The following KAT6B variants were observed in gnomAD, a reference collection of about 807,000 sequenced individuals.
KAT6B encodes lysine acetyltransferase 6B.
In KAT6B, 10 loss-of-function variants were observed where a neutral mutation model predicts 187.5. That is an observed-to-expected ratio of 0.05 (90% confidence interval 0.03 to 0.09). KAT6B has a LOEUF of 0.09. Ranked by LOEUF, KAT6B falls within the 10% of genes least tolerant of loss-of-function variation. KAT6B has a pLI of 1.00. For synonymous variants in KAT6B, 861 were observed against 926.8 expected (o/e 0.93, Z 1.29); for missense variants, 1,952 against 2,558.9 (o/e 0.76, Z 5.12).
At chr10:74,846,620 G>A (rs984792276) in intron 3 of KAT6B, among the ~76,000 whole-genome samples, 7 of 152,056 alleles carry the variant, frequency 4.6e-5, no homozygotes, top group Non-Finnish European at 8.8e-5. Flanking sequence ...TTGTATTTTA[G>A]TAGAGACGGG....
At chr10:74,881,491 C>G (rs751011915) in intron 3 of KAT6B, among the ~76,000 whole-genome samples, 4 of 152,184 alleles carry the variant, frequency 2.6e-5, no homozygotes, top group Non-Finnish European at 5.9e-5. Context: ...TCCAAACACC[C>G]CATGCCTTCT....
chr10:74,916,353 C>G (rs1847677667), intron 3 of KAT6B, among the ~76,000 whole-genome samples: 1 of 152,032 alleles, frequency 6.6e-6, no homozygotes, highest in African/African-American at 2.4e-5. Context: ...TGACCTCATC[C>G]CATATTTGTA....
chr10:75,029,392 T>A lies in KAT6B; in HGVS notation c.4568T>A (p.Val1523Asp). ...QKQDQKNSKE[V>D]DTEFKEGNPA... ...CAGGACCAAAAGAACAGCAAGGAAGTCGATACAGAGTTCAAAGAGGGAAAC... is the reference window on the plus strand; with the variant it reads ...CAGGACCAAAAGAACAGCAAGGAAGACGATACAGAGTTCAAAGAGGGAAAC... Residue 1523 changes from valine to aspartate, a missense_variant, in exon 18 of 18, where the codon GTC becomes GAC. By Grantham distance (152) the Val-to-Asp change is radical (BLOSUM62 -3). Transcript: ENST00000287239. This position sits in a 1 kb window ranked among gnomAD's most constrained non-coding sequence, Gnocchi z 6.2. 1 of 1,613,842 alleles carries A rather than the reference T, an allele frequency of 6.2e-7. No individual in the cohort carries two copies. Among genetic ancestry groups the A allele is most frequent in the Non-Finnish European group, 8.5e-7 (1 of 1,179,948 alleles).
intron 13 of KAT6B, among the ~76,000 whole-genome samples, chr10:74,991,439 G>A (rs1843119785): frequency 1.3e-5 from 2 of 152,024 alleles, no homozygotes; most frequent in Non-Finnish European, 2.9e-5. Flanking sequence ...GAACAATCTG[G>A]GTAACAAATA....
At chr10:74,911,130 T>G (rs1482636291) in intron 3 of KAT6B, among the ~76,000 whole-genome samples, 1 of 152,246 alleles carries the variant, frequency 6.6e-6, no homozygotes, top group Non-Finnish European at 1.5e-5. Context: ...AAACACTGCT[T>G]GCATTCCTCT....
chr10:74,852,760 A>G (rs1475935461), intron 3 of KAT6B, among the ~76,000 whole-genome samples: 1 of 152,206 alleles, frequency 6.6e-6, no homozygotes. Context: ...AATGTTAAAC[A>G]TTCTTTTAAC....
intron 3 of KAT6B, among the ~76,000 whole-genome samples, chr10:74,926,589 TC>T (rs2133118689): frequency 6.6e-6 from 1 of 152,254 alleles, no homozygotes; most frequent in East Asian, 1.9e-4. Context: ...GGCCCATGCC[TC>T]TGCACATGTT....
chr10:74,827,691 C>T (rs1329855589), intron 1 of KAT6B, among the ~76,000 whole-genome samples: 1 of 151,742 alleles, frequency 6.6e-6, no homozygotes, highest in Non-Finnish European at 1.5e-5. Context: ...TGGGACAAGG[C>T]GGCAGGTGTG....
intron 3 of KAT6B, among the ~76,000 whole-genome samples, chr10:74,920,831 T>G (rs1848055103): frequency 6.6e-6 from 1 of 152,154 alleles, no homozygotes; most frequent in African/African-American, 2.4e-5. Flanking sequence ...TCCATTTTTC[T>G]TTTCTTCTCT....
At chr10:74,875,685 C>G (rs1248354776) in intron 3 of KAT6B, among the ~76,000 whole-genome samples, 1 of 152,054 alleles carries the variant, frequency 6.6e-6, no homozygotes. Flanking sequence ...AGGCTGATCT[C>G]GAACTCCTGA....
chr10:75,018,039 G>A (rs1845105165), intron 13 of KAT6B, among the ~76,000 whole-genome samples: 1 of 152,188 alleles, frequency 6.6e-6, no homozygotes, highest in Non-Finnish European at 1.5e-5. Context: ...GCCATGCAGG[G>A]GTCCCTTCGG....
Position 74,981,879 on chromosome 10 carries a change from A to T in KAT6B, c.2324A>T (p.His775Leu), listed in dbSNP as rs752359931. The T allele has an allele frequency of 9.9e-6, 16 of 1,613,402 alleles. No individual in the cohort carries two copies. Among genetic ancestry groups the T allele is most frequent in the Admixed American group, 1.7e-5 (1 of 59,990 alleles). ...CACTCCAAGAAGTGTGGATGGTTTC[A>T]TCCTCCAGCAAATGAAATTTACCGA... ...LRHSKKCGWF[H>L]PPANEIYRRK... Residue 775 changes from histidine (H) to leucine (L), a missense_variant, in exon 11 of 18, where the codon CAT becomes CTT. Physicochemically the swap from His to Leu is moderately conservative, Grantham distance 99. Around this residue, in one of 9 missense-constraint regions of KAT6B, gnomAD observed 87 missense variants for 191.8 expected, o/e 0.45. Transcript: ENST00000287239.
chr10:75,028,466 C>G (rs1418516557), intron 17 of KAT6B, 23 bp from the exon 18 acceptor site: 1 of 1,612,028 alleles, frequency 6.2e-7, no homozygotes, highest in East Asian at 2.2e-5. Context: ...TTTTTTCCTT[C>G]CCGTTTTTGT....
intron 3 of KAT6B, among the ~76,000 whole-genome samples, chr10:74,951,990 A>G (rs2133407665): frequency 6.6e-6 from 1 of 152,348 alleles, no homozygotes; most frequent in East Asian, 1.9e-4. Flanking sequence ...CTTATGGTTT[A>G]GTAAGGGAAA....
At position 74,975,730 on chromosome 10, in the gene KAT6B, A is replaced by G. The variant is rs372552134; in HGVS notation, c.1393A>G (p.Arg465Gly). ...AGACTTTTCAAAGCACTATCGTCCA[A>G]GGAAAAAGGTCTCTCAGAAACAGTC... is the stretch of plus-strand genomic sequence containing the variant. ...IIDFSKHYRP[R>G]KKVSQKQSCT... Residue 465 changes from arginine (R) to glycine (G), a missense_variant, in exon 8 of 18, where the codon AGG becomes GGG. Physicochemically the swap from Arg to Gly is moderately radical, Grantham distance 125. Around this residue, in one of 9 missense-constraint regions of KAT6B, gnomAD observed 417 missense variants for 508.9 expected, o/e 0.82. Transcript: ENST00000287239. 1.9e-6 allele frequency: 3 copies of G among 1,614,222 alleles called. No individual in the cohort carries two copies. The highest frequency in any genetic ancestry group is 1.3e-5 in the African/African-American group (1 of 75,040).
At chr10:74,900,697 G>A (rs552310820) in intron 3 of KAT6B, among the ~76,000 whole-genome samples, 1 of 152,302 alleles carries the variant, frequency 6.6e-6, no homozygotes, top group Admixed American at 6.5e-5. Context: ...GATGAAAGGG[G>A]GTGATATACC....
At chr10:74,827,459 G>C (rs1840355733) in intron 1 of KAT6B, among the ~76,000 whole-genome samples, 1 of 151,998 alleles carries the variant, frequency 6.6e-6, no homozygotes, top group Non-Finnish European at 1.5e-5. Context: ...AGAGGTATCT[G>C]GGTGGATCGC....
intron 3 of KAT6B, among the ~76,000 whole-genome samples, chr10:74,932,994 A>T (rs1360704193): frequency 6.6e-6 from 1 of 152,232 alleles, no homozygotes; most frequent in Non-Finnish European, 1.5e-5. Context: ...TGAGCTCACA[A>T]GGAAAGACTT....
chr10:74,977,073 C>T, intron 8 of KAT6B: 1 of 406,144 alleles, frequency 2.5e-6, no homozygotes, highest in South Asian at 2.3e-5. Context: ...TCTTACTTTC[C>T]CTCATATATT....
Sources: gnomAD v4.1 joint callset for allele counts (sites outside exome capture counted in the v4.1 genomes callset) on GRCh38, gnomAD v4.1.1 for gene constraint, gnomAD v4.1.1 regional missense constraint, Gnocchi (gnomAD v3.1) non-coding constraint, MANE v1.5 for transcripts, NCBI Gene and HGNC (gene_info 2026-07-23, HGNC 2026-07-21) for gene names.